Variants in SGCG observed in about 807,000 individuals in gnomAD.
The protein encoded by SGCG is gamma-sarcoglycan.
In SGCG, 26 loss-of-function variants were observed where a neutral mutation model predicts 29.3. That is an observed-to-expected ratio of 0.89 (90% CI 0.65 to 1.23). The LOEUF (loss-of-function observed/expected upper bound fraction) is 1.23. Among genes scored for constraint, SGCG ranks in the 50% most tolerant of loss-of-function variants. The pLI is 0.00. For missense variants in SGCG, 353 were observed against 356.0 expected, an observed-to-expected ratio of 0.99 and a Z score of 0.07; for synonymous variants, 145 against 129.7, an observed-to-expected ratio of 1.12 and a Z score of -0.80.
At chr13:23,209,002 A>G (rs1212284733) in intron 2 of SGCG, among the ~76,000 whole-genome samples, 1 of 152,098 alleles carries the variant, frequency 6.6e-6, no homozygotes, top group East Asian at 1.9e-4. Flanking sequence ...AAAATATTTT[A>G]GTGCATTTAG....
chr13:23,177,807 G>T (rs1037505616), upstream of SGCG, among the ~76,000 whole-genome samples: 4 of 151,746 alleles, frequency 2.6e-5, no homozygotes, highest in African/African-American at 9.7e-5. Context: ...TTGAACTCCT[G>T]ACCTCAAGTG....
chr13:23,312,844 A>G (rs1308318535), intron 6 of SGCG, among the ~76,000 whole-genome samples: 2 of 152,192 alleles, frequency 1.3e-5, no homozygotes, highest in Admixed American at 1.3e-4. Context: ...TGTCTCCAAA[A>G]ACATGTATTA....
chr13:23,265,039 T>G (rs1219841732), intron 4 of SGCG, among the ~76,000 whole-genome samples: 2 of 151,996 alleles, frequency 1.3e-5, no homozygotes, highest in Non-Finnish European at 2.9e-5. Context: ...ACCTCAATAG[T>G]AAATGCAACA....
At chr13:23,200,279 T>TG (rs1474183572) in intron 1 of SGCG, among the ~76,000 whole-genome samples, 2 of 151,868 alleles carry the variant, frequency 1.3e-5, no homozygotes, top group Non-Finnish European at 2.9e-5. Context: ...AAAAATTAGC[T>TG]GGGCGTGGTG....
At chr13:23,286,496 A>G (rs1336059696) in intron 5 of SGCG, among the ~76,000 whole-genome samples, 2 of 152,222 alleles carry the variant, frequency 1.3e-5, no homozygotes, top group African/African-American at 4.8e-5. Context: ...AATGCCCTCA[A>G]TTTAACTATT....
At chr13:23,319,650 T>C (rs1291400508) in intron 6 of SGCG, among the ~76,000 whole-genome samples, 1 of 152,148 alleles carries the variant, frequency 6.6e-6, no homozygotes, top group Admixed American at 6.5e-5. Flanking sequence ...TTCTCTCTGC[T>C]CCCTGCCCCT....
chr13:23,200,651 G>C (rs1361968670), intron 1 of SGCG, among the ~76,000 whole-genome samples: 3 of 152,100 alleles, frequency 2.0e-5, no homozygotes, highest in African/African-American at 7.2e-5. Context: ...GTATGCCTGG[G>C]GAGTTAAGTG....
At chr13:23,279,759 G>A (rs1319072606) in intron 5 of SGCG, among the ~76,000 whole-genome samples, 12 of 110,700 alleles carry the variant, frequency 1.1e-4, no homozygotes, top group Non-Finnish European at 2.4e-4. Context: ...ACAGAGTCTC[G>A]CTCTGTTGCC....
At chr13:23,169,383 G>GAA in the SGCG span, among the ~76,000 whole-genome samples, 105 of 138,584 alleles carry the variant, frequency 7.6e-4, no homozygotes, top group African/African-American at 2.6e-3. Flanking sequence ...TCACCCTGTG[G>GAA]AAAAAAAAAA....
chr13:23,240,500 C>T (rs1590767), intron 3 of SGCG, among the ~76,000 whole-genome samples: 55,527 of 152,048 alleles, frequency 0.37, 10,699 homozygotes, highest in East Asian at 0.62. Flanking sequence ...GCATGCTGCT[C>T]AACAACAGCA....
At chr13:23,188,533 G>A (rs1325730431) in intron 1 of SGCG, among the ~76,000 whole-genome samples, 1 of 146,140 alleles carries the variant, frequency 6.8e-6, no homozygotes, top group Non-Finnish European at 1.5e-5. Flanking sequence ...TGGTCAGGCT[G>A]GTCATGAATT....
chr13:23,317,523 T>G (rs1882865375), intron 6 of SGCG, among the ~76,000 whole-genome samples: 1 of 151,242 alleles, frequency 6.6e-6, no homozygotes, highest in Non-Finnish European at 1.5e-5. Context: ...ACTGTAATTA[T>G]GAGTATTTTC....
chr13:23,182,690 G>A (rs578247451), intron 1 of SGCG, among the ~76,000 whole-genome samples: 1 of 152,262 alleles, frequency 6.6e-6, no homozygotes, highest in African/African-American at 2.4e-5. Context: ...TTTGTGAATG[G>A]TAAAGGTCTC....
intron 6 of SGCG, among the ~76,000 whole-genome samples, chr13:23,311,031 T>C (rs1882577999): frequency 6.6e-6 from 1 of 152,218 alleles, no homozygotes; most frequent in African/African-American, 2.4e-5. Context: ...TTATTTAATT[T>C]CCATAAGTAC....
chr13:23,250,492 G>T, intron 3 of SGCG, 138 bp from the exon 4 acceptor site: 1 of 630,956 alleles, frequency 1.6e-6, no homozygotes, highest in Non-Finnish European at 2.8e-6. Context: ...AATTGTCTTA[G>T]CCACAAATTT....
chr13:23,212,621 A>G (rs535844346), intron 2 of SGCG, among the ~76,000 whole-genome samples: 5 of 152,354 alleles, frequency 3.3e-5, no homozygotes, highest in African/African-American at 1.2e-4. Flanking sequence ...AAATTAGTAG[A>G]AGAATAACTG....
intron 1 of SGCG, among the ~76,000 whole-genome samples, chr13:23,186,838 TCCACATCAGTGGATC>T: frequency 6.6e-6 from 1 of 152,288 alleles, no homozygotes; most frequent in Middle Eastern, 3.4e-3. Context: ...CCTATGGGAT[TCCACATCAGTGGATC>T]ACACATTCTG....
intron 6 of SGCG, among the ~76,000 whole-genome samples, chr13:23,311,595 C>T (rs752148885): frequency 6.6e-6 from 1 of 152,188 alleles, no homozygotes; most frequent in Non-Finnish European, 1.5e-5. Context: ...GCACGTTGGC[C>T]TGGGGTAGAG....
intron 1 of SGCG, among the ~76,000 whole-genome samples, chr13:23,192,551 G>A (rs568884820): frequency 0.021 from 3,127 of 151,808 alleles, 57 homozygotes; most frequent in South Asian, 0.035. Flanking sequence ...CTGCCACCAC[G>A]CCCAGCTAAT....
Sources: gnomAD v4.1 joint callset for allele counts (sites outside exome capture counted in the v4.1 genomes callset) on GRCh38, gnomAD v4.1.1 for gene constraint, MANE v1.5 for transcripts, NCBI Gene and HGNC (gene_info 2026-07-23, HGNC 2026-07-21) for gene names.